The following CDH8 variants were observed in gnomAD, a reference collection of about 807,000 sequenced individuals.
The protein encoded by CDH8 is cadherin 8.
A neutral mutation model predicts 68.1 loss-of-function variants in CDH8; 17 were observed. That is an observed-to-expected ratio of 0.25 (90% CI 0.17 to 0.37). The LOEUF is 0.37. Ranked by LOEUF, CDH8 falls within the 10% of genes least tolerant of loss-of-function variation. The pLI, the probability that CDH8 is intolerant of heterozygous loss-of-function variation, is 1.00. For synonymous variants in CDH8, 372 were observed against 365.1 expected (o/e 1.02, Z -0.21); for missense variants, 763 against 999.3 (o/e 0.76, Z 3.19).
intron 10 of CDH8, among the ~76,000 whole-genome samples, chr16:61,664,193 A>C (rs896887075): frequency 6.6e-6 from 1 of 151,958 alleles, no homozygotes; most frequent in African/African-American, 2.4e-5. Flanking sequence ...ATCGATGCTC[A>C]AATATCACTT....
chr16:61,852,684 G>T (rs1375522986), intron 4 of CDH8, among the ~76,000 whole-genome samples: 1 of 152,036 alleles, frequency 6.6e-6, no homozygotes, highest in East Asian at 1.9e-4. Flanking sequence ...GTATAGACTG[G>T]ATACCAAGCT....
At chr16:61,966,069 A>AT (rs1184474841) in intron 2 of CDH8, among the ~76,000 whole-genome samples, 1 of 152,208 alleles carries the variant, frequency 6.6e-6, no homozygotes, top group Non-Finnish European at 1.5e-5. Flanking sequence ...TAATTCATTG[A>AT]TTTTATCGCA....
intron 9 of CDH8, among the ~76,000 whole-genome samples, chr16:61,723,706 G>A (rs946616578): frequency 2.0e-5 from 3 of 150,624 alleles, no homozygotes; most frequent in African/African-American, 7.3e-5. Flanking sequence ...TTTACTGACT[G>A]ACAGAAACCC....
intron 3 of CDH8, among the ~76,000 whole-genome samples, chr16:61,882,566 T>C (rs554746768): frequency 6.6e-6 from 1 of 152,302 alleles, no homozygotes; most frequent in Admixed American, 6.5e-5. Flanking sequence ...ATCTTGTCCT[T>C]TGTAGAAACA....
chr16:61,653,593 A>C lies in CDH8; in HGVS notation c.*15T>G. ...ACAGAATGCTCAGTTCCAGTGATTT[A>C]TTTATAATCCACTGTCAAGTTTCTT... On this transcript the variant is annotated 3_prime_UTR_variant, in exon 12 of 12. Transcript: ENST00000577390. 5.0e-6 allele frequency: 8 copies of C among 1,594,172 alleles called. 1 individual carries two copies. In the South Asian group the frequency reaches 8.0e-5, roughly 16 times the overall value.
chr16:61,733,342 T>C (rs1959586467), intron 8 of CDH8, among the ~76,000 whole-genome samples: 1 of 151,904 alleles, frequency 6.6e-6, no homozygotes, highest in Admixed American at 6.6e-5. Flanking sequence ...CCAAATTTTC[T>C]GTAAGGAATA....
intron 8 of CDH8, among the ~76,000 whole-genome samples, chr16:61,739,746 A>AAAGAT (rs1959807828): frequency 6.7e-6 from 1 of 149,390 alleles, no homozygotes; most frequent in African/African-American, 2.4e-5. Context: ...AAAGAAAAGA[A>AAAGAT]AAGAAAAGAA....
chr16:62,020,905 A>G (rs1902057611), intron 2 of CDH8, among the ~76,000 whole-genome samples: 1 of 152,198 alleles, frequency 6.6e-6, no homozygotes, highest in Non-Finnish European at 1.5e-5. Flanking sequence ...TTTGCATTAT[A>G]TAAGCAGTGT....
At chr16:61,882,981 A>G (rs562265166) in intron 3 of CDH8, among the ~76,000 whole-genome samples, 1 of 152,316 alleles carries the variant, frequency 6.6e-6, no homozygotes, top group East Asian at 1.9e-4. Flanking sequence ...TTAAGCAAGC[A>G]CTGTCCTAGG....
intron 8 of CDH8, among the ~76,000 whole-genome samples, chr16:61,767,373 G>T (rs1019453370): frequency 5.9e-5 from 9 of 151,900 alleles, no homozygotes; most frequent in African/African-American, 2.2e-4. Context: ...CACCATCTTA[G>T]CTGAATGATC....
intron 8 of CDH8, among the ~76,000 whole-genome samples, chr16:61,752,742 A>G (rs1378423183): frequency 6.6e-6 from 1 of 152,212 alleles, no homozygotes; most frequent in African/African-American, 2.4e-5. Context: ...AATATTTGCC[A>G]TTCATTTATA....
At chr16:61,710,411 A>C (rs1964610084) in intron 10 of CDH8, among the ~76,000 whole-genome samples, 4 of 152,118 alleles carry the variant, frequency 2.6e-5, no homozygotes, top group Admixed American at 2.6e-4. Flanking sequence ...TGTTTATTCC[A>C]AAGTAATGGT....
chr16:61,741,378 T>C (rs1959867924), intron 8 of CDH8, among the ~76,000 whole-genome samples: 1 of 152,208 alleles, frequency 6.6e-6, no homozygotes. Context: ...TGAGCATAAA[T>C]TCTTAATTCA....
At chr16:61,909,904 A>G (rs1964130126) in intron 2 of CDH8, among the ~76,000 whole-genome samples, 1 of 152,212 alleles carries the variant, frequency 6.6e-6, no homozygotes, top group Non-Finnish European at 1.5e-5. Context: ...AGAATTCCCA[A>G]GCCAGTGTTC....
intron 10 of CDH8, among the ~76,000 whole-genome samples, chr16:61,665,066 G>A (rs1596844463): frequency 6.6e-6 from 1 of 151,928 alleles, no homozygotes; most frequent in South Asian, 2.1e-4. Flanking sequence ...TTGGAGATGG[G>A]GCCTCTACAG....
chr16:61,920,886 A>G (rs1964352898), intron 2 of CDH8, among the ~76,000 whole-genome samples: 1 of 127,700 alleles, frequency 7.8e-6, no homozygotes, highest in Middle Eastern at 3.5e-3. Flanking sequence ...TGGATTAAGA[A>G]AATGTGGCAC....
At chr16:61,711,169 A>G (rs1195801511) in intron 10 of CDH8, among the ~76,000 whole-genome samples, 2 of 151,968 alleles carry the variant, frequency 1.3e-5, no homozygotes, top group Non-Finnish European at 2.9e-5. Flanking sequence ...AGGAGACAAG[A>G]GAGAGCTCAT....
In CDH8 at chr16:61,653,176, G is replaced by A. The variant is rs943123489; in HGVS notation, c.*432C>T. On this transcript the variant is annotated 3_prime_UTR_variant, in exon 12 of 12. Coordinates refer to ENST00000577390, the MANE Select transcript of CDH8 (RefSeq NM_001796.5). The stretch of plus-strand genomic sequence containing the variant: ...GTGGCGGGATCCTTATTGGTGAAGG[G>A]GAAAAAACCATTTGCATTCATAAAA... 2.3e-5 allele frequency: 28 copies of A among 1,223,590 alleles called. No homozygotes were observed. Among genetic ancestry groups the A allele is most frequent in the Non-Finnish European group, 2.7e-5 (27 of 983,852 alleles). 75.8% of individuals were successfully genotyped at this position (1,223,590 alleles called of 1,614,324 possible). A position where few individuals can be genotyped will look rare whatever the true frequency, so the allele number is the denominator to read the frequency against.
At chr16:61,913,309 T>C (rs1964189284) in intron 2 of CDH8, among the ~76,000 whole-genome samples, 1 of 152,172 alleles carries the variant, frequency 6.6e-6, no homozygotes, top group African/African-American at 2.4e-5. Flanking sequence ...AATCAAAAAG[T>C]TTTAAATTTT....
Sources: allele counts gnomAD v4.1 joint callset (sites outside exome capture counted in the v4.1 genomes callset), GRCh38; gene constraint gnomAD v4.1.1; transcripts MANE v1.5; gene names NCBI Gene and HGNC (gene_info 2026-07-23, HGNC 2026-07-21).